SIX6: variants seen among roughly 807,000 people sequenced by gnomAD.
SIX6 encodes SIX homeobox 6.
Under a neutral mutation model 23.6 loss-of-function variants are expected in SIX6, and 14 were observed. The observed-to-expected ratio is 0.59, with a 90% confidence interval of 0.39 to 0.93. The LOEUF is 0.93. Ranked by LOEUF, SIX6 falls within the 40% of genes least tolerant of loss-of-function variation. The probability of loss-of-function intolerance (pLI) is 0.00; values close to 1 mark genes in which losing one functional copy is unlikely to be tolerated. For synonymous variants in SIX6, 128 were observed against 144.9 expected (o/e 0.88, Z 0.84); for missense variants, 307 against 325.6 (o/e 0.94, Z 0.44).
At position 60,509,576 on chromosome 14, in the gene SIX6, G is replaced by A; in HGVS notation, c.178G>A (p.Val60Met). The change falls in exon 1 of 2, where the codon GTG becomes ATG. Residue 60 changes from valine (V) to methionine (M), a missense_variant. Transcript: ENST00000327720. ...GTCGGTGCTACGCGCACGAGCCATCGTGGCCTTTCACGGTGGCAACTACCG... is the reference window on the plus strand; with the variant it reads ...GTCGGTGCTACGCGCACGAGCCATCATGGCCTTTCACGGTGGCAACTACCG... ...NESVLRARAI[V>M]AFHGGNYREL... 1 of 1,612,926 alleles carries A rather than the reference G, an allele frequency of 6.2e-7. No homozygotes were observed. Among genetic ancestry groups the A allele is most frequent in the Non-Finnish European group, 8.5e-7 (1 of 1,180,034 alleles).
rs1464815774 is a variant in SIX6 at position 60,509,851 on chromosome 14, A to G, written c.453A>G (p.Pro151=). The stretch of plus-strand genomic sequence containing the variant: ...TACGCGAGTGGTACCTGCAGGATCC[A>G]TACCCTAACCCCAGCAAAAAACGTG... ...HLLREWYLQD[P]YPNPSKKREL... Residue 151 remains proline, a synonymous_variant, in exon 1 of 2, where the codon CCA becomes CCG. Transcript: ENST00000327720. 2.5e-6 allele frequency: 4 copies of G among 1,613,838 alleles called. No homozygotes were observed. The highest frequency in any genetic ancestry group is 1.3e-5 in the African/African-American group (1 of 74,932).
At position 60,511,454 on chromosome 14, in the gene SIX6, G is replaced by GA. The variant is rs1243564047; in HGVS notation, c.*204dup. On this transcript the variant is annotated 3_prime_UTR_variant, in exon 2 of 2. Coordinates refer to ENST00000327720, the MANE Select transcript of SIX6 (RefSeq NM_007374.3). The stretch of plus-strand genomic sequence containing the variant: ...TGGCGCCCTTTGGCCGCGACCACGG[G>GA]AACCAGCGGTGAGGCCTGACCCAGC... 1.1e-5 allele frequency: 7 copies of GA among 660,336 alleles called. No homozygotes were observed. The highest frequency in any genetic ancestry group is 9.4e-5 in the Admixed American group (4 of 42,660). 40.9% of individuals were successfully genotyped at this position (660,336 alleles called of 1,614,324 possible).
Sources: allele counts gnomAD v4.1 joint callset, GRCh38; gene constraint gnomAD v4.1.1; transcripts MANE v1.5; gene names NCBI Gene and HGNC (gene_info 2026-07-23, HGNC 2026-07-21).